CRYBG2: variants seen among roughly 807,000 people sequenced by gnomAD.
CRYBG2 encodes the protein crystallin beta-gamma domain containing 2.
CRYBG2 carries 106 observed loss-of-function variants against 153.4 expected under a neutral mutation model. That is an observed-to-expected ratio of 0.69 (90% confidence interval 0.59 to 0.81). The LOEUF is 0.81. Ranked by LOEUF, CRYBG2 falls within the 30% of genes least tolerant of loss-of-function variation. The pLI, the probability that CRYBG2 is intolerant of heterozygous loss-of-function variation, is 0.00. For synonymous variants in CRYBG2, 851 were observed against 877.8 expected (o/e 0.97, Z 0.54); for missense variants, 1,996 against 2,112.0 (o/e 0.95, Z 1.08).
intron 1 of CRYBG2, among the ~76,000 whole-genome samples, chr1:26,353,506 T>TGG (rs769201465): frequency 1.3e-5 from 2 of 152,142 alleles, no homozygotes; most frequent in Non-Finnish European, 1.5e-5. Flanking sequence ...CAGAGCCAGG[T>TGG]GGGGTAATTA....
chr1:26,325,760 T>G lies in CRYBG2; in HGVS notation c.4579-1450A>C, dbSNP rs1354670599. 1.3e-5 allele frequency among the ~76,000 whole-genome samples: 2 copies of G among 152,098 alleles called. No individual in the cohort carries two copies. The highest frequency in any genetic ancestry group is 2.4e-5 in the African/African-American group (1 of 41,432). ...ACAGAGCCCATGGCCTTACCATTTA[T>G]CTGCACATGTGCATTAATGATACTG... On this transcript the variant is annotated intron_variant, in intron 17 of 19. Transcript: ENST00000308182. The surrounding 1 kb of genome is among the most constrained non-coding windows in gnomAD (Gnocchi z 4.1).
At chr1:26,328,456 T>A (rs1435518008) in intron 16 of CRYBG2, 124 bp from the exon 17 acceptor site, 1 of 1,374,704 alleles carries the variant, frequency 7.3e-7, no homozygotes, top group Non-Finnish European at 9.8e-7. Flanking sequence ...GAGGGATTCC[T>A]CTGCCTGGAA....
chr1:26,347,498 A>AT (rs575802355), intron 1 of CRYBG2, among the ~76,000 whole-genome samples: 2 of 146,034 alleles, frequency 1.4e-5, no homozygotes, highest in Non-Finnish European at 3.0e-5. Context: ...TTATTTATTT[A>AT]TTTTTTTTGA....
At position 26,343,745 on chromosome 1, in the gene CRYBG2, C is replaced by T. The variant is rs750400839; in HGVS notation, c.2913G>A (p.Trp971Ter). ...KLACSLPLEGWSPALKTQGKL... is the reference protein window; with the variant it reads ...KLACSLPLEG ...CTTGCCCACCCGAGGCCTCACTTAC[C>T]CACCCCTCCAGGGGCAGGGAACAGG... The change falls in exon 2 of 20, where the codon TGG (tryptophan) becomes TGA (stop). Residue 971 changes from tryptophan (W) to a stop codon, truncating the protein, a stop_gained and splice_region_variant. Transcript: ENST00000308182. LOFTEE classifies it high-confidence loss of function. The surrounding 1 kb of genome is among the most constrained non-coding windows in gnomAD (Gnocchi z 4.1). The T allele has an allele frequency of 6.9e-7, 1 of 1,445,394 alleles. No homozygotes were observed. 89.5% of individuals were successfully genotyped at this position (1,445,394 alleles called of 1,614,324 possible).
rs1299373990 is a variant in CRYBG2, at chr1:26,343,356, C to T, written c.2914-63G>A. The T allele has an allele frequency of 2.6e-6, 4 of 1,517,708 alleles. No individual in the cohort carries two copies. The highest frequency in any genetic ancestry group is 4.9e-5 in the East Asian group (2 of 40,754). 94.0% of individuals were successfully genotyped at this position (1,517,708 alleles called of 1,614,324 possible). A position where few individuals can be genotyped will look rare whatever the true frequency, so the allele number is the denominator to read the frequency against. On this transcript the variant is annotated intron_variant, in intron 2 of 19. Coordinates refer to ENST00000308182, the MANE Select transcript of CRYBG2 (RefSeq NM_001039775.4). This position sits in a 1 kb window ranked among gnomAD's most constrained non-coding sequence, Gnocchi z 4.1. ...TCACCTCTTTTCTGCCTCCCCACAA[C>T]CCGCCATTCCAAGGATCCCACATCC... is the stretch of plus-strand genomic sequence containing the variant.
Position 26,345,742 on chromosome 1 carries a change from G to T in CRYBG2, c.916C>A (p.Gln306Lys). ...TCCGGACAGGCTGCAGGGGCATCCT[G>T]ATTCTTAGGCAGGTGAGCACTGGCT... ...IPASAHLPKN[Q>K]DAPAACPDRD... Residue 306 changes from glutamine (Q) to lysine (K), a missense_variant, in exon 2 of 20, where the codon CAG becomes AAG. By Grantham distance (53) the Gln-to-Lys change is moderately conservative. Coordinates refer to ENST00000308182, the MANE Select transcript of CRYBG2 (RefSeq NM_001039775.4). 6.3e-7 allele frequency: 1 copy of T among 1,597,416 alleles called. No homozygotes were observed. The highest frequency in any genetic ancestry group is 2.2e-5 in the East Asian group (1 of 44,828).
intron 14 of CRYBG2, among the ~76,000 whole-genome samples, chr1:26,334,693 G>C (rs895267630): frequency 6.6e-6 from 1 of 152,012 alleles, no homozygotes; most frequent in Non-Finnish European, 1.5e-5. Context: ...GGGAGGCCGA[G>C]GGGGGCGGAT....
chr1:26,324,109 G>A (rs1279169700), intron 18 of CRYBG2, 43 bp downstream of exon 18: 1 of 1,591,132 alleles, frequency 6.3e-7, no homozygotes, highest in Admixed American at 1.7e-5. Context: ...ACCTGCAAAT[G>A]CCTAGGGCCA....
At chr1:26,323,450 G>A (rs2073883802) in intron 18 of CRYBG2, among the ~76,000 whole-genome samples, 1 of 151,994 alleles carries the variant, frequency 6.6e-6, no homozygotes, top group Non-Finnish European at 1.5e-5. Flanking sequence ...AAGATATTCT[G>A]CCCATTTAAG....
rs2074313286 is a variant in CRYBG2, at chr1:26,354,113, G to A, written c.-133C>T. On this transcript the variant is annotated 5_prime_UTR_variant, in exon 1 of 20. Transcript: ENST00000308182. ...TGCTGCTGGGCCGTGCTCCCCTGAT[G>A]CGATTGGGCTCTCAGCTGGGGTTCC... The A allele has an allele frequency of 2.5e-6, 1 of 399,476 alleles. No homozygotes were observed. Among genetic ancestry groups the A allele is most frequent in the South Asian group, 1.3e-4 (1 of 7,872 alleles). 24.7% of individuals were successfully genotyped at this position (399,476 alleles called of 1,614,324 possible).
At chr1:26,339,753 A>AG (rs397789449) in intron 5 of CRYBG2, among the ~76,000 whole-genome samples, 1 of 151,652 alleles carries the variant, frequency 6.6e-6, no homozygotes, top group East Asian at 1.9e-4. Flanking sequence ...AAAAAAAAAA[A>AG]GAAAGAAAAG....
In CRYBG2 at chr1:26,342,808, G is replaced by A. The variant is rs759764606; in HGVS notation, c.3150C>T (p.Thr1050=). The stretch of plus-strand genomic sequence containing the variant: ...CTTGGGGACTCCACTTTGTCCCTGG[G>A]GTTCTGAGTTCCATGTCTCCTTCAG... The part of the protein sequence containing the change: ...VLPEGDMELR[T]PGTKWSPQGI... The change falls in exon 5 of 20, where the codon ACC becomes ACT. Residue 1050 remains threonine (T), a synonymous_variant. Transcript: ENST00000308182. The A allele has an allele frequency of 1.7e-5, 27 of 1,613,968 alleles. No homozygotes were observed. The highest frequency in any genetic ancestry group is 2.7e-5 in the African/African-American group (2 of 74,900).
Position 26,344,208 on chromosome 1 carries a change from G to A in CRYBG2, c.2450C>T (p.Pro817Leu), listed in dbSNP as rs1460088426. The A allele has an allele frequency of 1.4e-5, 22 of 1,535,694 alleles. No individual in the cohort carries two copies. Among genetic ancestry groups the A allele is most frequent in the South Asian group, 6.0e-5 (5 of 83,988 alleles). ...QLGPWVLGPG[P>L]QEVPSLEEKE... Reference sequence around the variant, plus strand: ...CTCTTCCAGTGAAGGCACCTCCTGGGGTCCGGGGCCCAGCACCCATGGCCC... The same window carrying A: ...CTCTTCCAGTGAAGGCACCTCCTGGAGTCCGGGGCCCAGCACCCATGGCCC... The change falls in exon 2 of 20, where the codon CCC (proline) becomes CTC (leucine). Residue 817 changes from proline (P) to leucine (L), a missense_variant. Coordinates refer to ENST00000308182, the MANE Select transcript of CRYBG2 (RefSeq NM_001039775.4).
rs1229932675 is a variant in CRYBG2, at chr1:26,325,681, T to G, written c.4579-1371A>C. On this transcript the variant is annotated intron_variant, in intron 17 of 19. Coordinates refer to ENST00000308182, the MANE Select transcript of CRYBG2 (RefSeq NM_001039775.4). This position sits in a 1 kb window ranked among gnomAD's most constrained non-coding sequence, Gnocchi z 4.1. The stretch of plus-strand genomic sequence containing the variant: ...CACAGATGCATGGACACAAATAACC[T>G]GATGAGCACAGAAATACCCTCAGAT... Among the ~76,000 whole-genome samples, 2 of 151,328 alleles carry G rather than the reference T, an allele frequency of 1.3e-5. No individual in the cohort carries two copies. The highest frequency in any genetic ancestry group is 2.1e-4 in the South Asian group (1 of 4,796).
intron 15 of CRYBG2, among the ~76,000 whole-genome samples, chr1:26,330,862 C>T (rs2073990074): frequency 6.6e-6 from 1 of 152,144 alleles, no homozygotes; most frequent in Non-Finnish European, 1.5e-5. Context: ...TTAAACACCA[C>T]CTGGCACATA....
chr1:26,345,676 G>A lies in CRYBG2; in HGVS notation c.982C>T (p.Leu328Phe), dbSNP rs369409467. ...GRAPDARACE[L>F]WQVLGAPSST... The stretch of plus-strand genomic sequence containing the variant: ...CTGGGGGCTCCCAGCACCTGCCAGA[G>A]CTCACAGGCCCTGGCATCCGGGGCT... The change falls in exon 2 of 20, where the codon CTC (leucine) becomes TTC (phenylalanine). Residue 328 changes from leucine to phenylalanine, a missense_variant. By Grantham distance (22) the Leu-to-Phe change is conservative. Coordinates refer to ENST00000308182, the MANE Select transcript of CRYBG2 (RefSeq NM_001039775.4). 17 of 1,598,510 alleles carry A rather than the reference G, an allele frequency of 1.1e-5. No homozygotes were observed. Among genetic ancestry groups the A allele is most frequent in the Admixed American group, 8.3e-5 (5 of 59,944 alleles).
chr1:26,342,688 T>G, intron 5 of CRYBG2, 66 bp downstream of exon 5: 1 of 1,578,918 alleles, frequency 6.3e-7, no homozygotes, highest in Non-Finnish European at 8.6e-7. Context: ...CGTGAGTCAC[T>G]GCTCCTGGCC....
In CRYBG2 at chr1:26,328,837, C is replaced by G; in HGVS notation, c.4351G>C (p.Glu1451Gln). ...SEPSIFLYGLECFEGKEIELS... is the reference protein window; with the variant it reads ...SEPSIFLYGLQCFEGKEIELS... ...TCGATCTCCTTCCCCTCGAAGCACT[C>G]GAGTCCATACAGGAAAATGGAAGGC... Residue 1451 changes from glutamate (E) to glutamine (Q), a missense_variant, in exon 16 of 20, where the codon GAG becomes CAG. Glu to Gln is a conservative substitution (Grantham distance 29, BLOSUM62 2). Coordinates refer to ENST00000308182, the MANE Select transcript of CRYBG2 (RefSeq NM_001039775.4). The G allele has an allele frequency of 6.2e-7, 1 of 1,614,040 alleles. No homozygotes were observed.
intron 17 of CRYBG2, among the ~76,000 whole-genome samples, 194 bp from the exon 18 acceptor site, chr1:26,324,504 T>TCACACA (rs10611174): frequency 1.1e-4 from 14 of 126,482 alleles, no homozygotes; most frequent in South Asian, 4.9e-4. Context: ...TCTCTCTCTC[T>TCACACA]CACACACACA....
Sources: allele counts gnomAD v4.1 joint callset (sites outside exome capture counted in the v4.1 genomes callset), GRCh38; gene constraint gnomAD v4.1.1; non-coding constraint Gnocchi (gnomAD v3.1); transcripts MANE v1.5; gene names NCBI Gene and HGNC (gene_info 2026-07-23, HGNC 2026-07-21).